The following PER3 variants were observed in gnomAD, a reference collection of about 807,000 sequenced individuals.
PER3 encodes the protein period circadian regulator 3.
PER3 carries 107 observed loss-of-function variants against 127.2 expected under a neutral mutation model. That is an observed-to-expected ratio of 0.84 (90% CI 0.72 to 0.99). The LOEUF is 0.99. Ranked by LOEUF, PER3 falls within the 50% of genes least tolerant of loss-of-function variation. The pLI is 0.00. For synonymous variants in PER3, 618 were observed against 585.8 expected, an observed-to-expected ratio of 1.05 and a Z score of -0.79; for missense variants, 1,560 against 1,525.8, an observed-to-expected ratio of 1.02 and a Z score of -0.37.
At chr1:7,814,977 CTT>C (rs1406615157) in intron 13 of PER3, among the ~76,000 whole-genome samples, 1 of 152,116 alleles carries the variant, frequency 6.6e-6, no homozygotes, top group African/African-American at 2.4e-5. Context: ...ATTTAAGACA[CTT>C]AACCCAAAAT....
intron 21 of PER3, among the ~76,000 whole-genome samples, 162 bp downstream of exon 21, chr1:7,837,311 A>G (rs1341102648): frequency 1.3e-5 from 2 of 152,244 alleles, no homozygotes; most frequent in African/African-American, 4.8e-5. Context: ...AGCAACAAGC[A>G]GGTTATACAC....
chr1:7,802,935 A>G (rs750134362), intron 8 of PER3, 112 bp from the exon 9 acceptor site: 35 of 730,974 alleles, frequency 4.8e-5, no homozygotes, highest in Non-Finnish European at 7.5e-5. Context: ...GCTAAGATAA[A>G]CAGCTTTGCA....
At chr1:7,810,718 T>A in intron 13 of PER3, 130 bp downstream of exon 13, 1 of 729,172 alleles carries the variant, frequency 1.4e-6, no homozygotes, top group Non-Finnish European at 2.2e-6. Context: ...TTGATTTGCC[T>A]AGATAGCAAT....
In PER3 at chr1:7,826,562, G is replaced by A; in HGVS notation, c.2040G>A (p.Val680=). 6.2e-7 allele frequency: 1 copy of A among 1,613,752 alleles called. No homozygotes were observed. The highest frequency in any genetic ancestry group is 8.5e-7 in the Non-Finnish European group (1 of 1,179,684). The part of the protein sequence containing the change: ...APLTSEEFKH[V]GLTAAVLSAH... ...TGACCTCGGAAGAATTTAAACACGT[G>A]GGGCTCACAGCGGCTGTTCTGTCAG... The change falls in exon 17 of 22, where the codon GTG becomes GTA. Residue 680 remains valine, a synonymous_variant. Coordinates refer to ENST00000377532, the MANE Select transcript of PER3 (RefSeq NM_001377275.1). The surrounding 1 kb of genome is among the most constrained non-coding windows in gnomAD (Gnocchi z 4.2).
intron 6 of PER3, among the ~76,000 whole-genome samples, chr1:7,795,422 C>T (rs1252709585): frequency 2.0e-5 from 3 of 152,096 alleles, no homozygotes; most frequent in African/African-American, 4.8e-5. Flanking sequence ...TTCTGGGAAG[C>T]GGGAGATTGC....
At chr1:7,802,357 G>C (rs1448330364) in intron 8 of PER3, among the ~76,000 whole-genome samples, 1 of 152,048 alleles carries the variant, frequency 6.6e-6, no homozygotes, top group African/African-American at 2.4e-5. Flanking sequence ...CCACCTCCCT[G>C]GTTCAAGCAA....
In PER3 at chr1:7,826,381, A is replaced by G; in HGVS notation, c.1958-99A>G. The G allele has an allele frequency of 1.4e-6, 1 of 699,784 alleles. No individual in the cohort carries two copies. Among genetic ancestry groups the G allele is most frequent in the Non-Finnish European group, 2.5e-6 (1 of 396,442 alleles). The allele number at this position is 699,784 out of a possible 1,614,324, so 43.3% of individuals were successfully genotyped here. A position where few individuals can be genotyped will look rare whatever the true frequency, so the allele number is the denominator to read the frequency against. ...GATTTTTCGTATTCCAGCAGTTATAATAATGTTTGTAAAAATGTATCAAAA... is the reference window on the plus strand; with the variant it reads ...GATTTTTCGTATTCCAGCAGTTATAGTAATGTTTGTAAAAATGTATCAAAA... On this transcript the variant is annotated intron_variant, in intron 16 of 21. Transcript: ENST00000377532. The surrounding 1 kb of genome is among the most constrained non-coding windows in gnomAD (Gnocchi z 4.2).
chr1:7,805,990 ATTAT>A (rs554680527), intron 10 of PER3, among the ~76,000 whole-genome samples: 19 of 152,030 alleles, frequency 1.2e-4, no homozygotes, highest in Middle Eastern at 3.4e-3. Context: ...TAAAATATTA[ATTAT>A]TCATTATATT....
In PER3 at chr1:7,827,716, C is replaced by T; in HGVS notation, c.2787C>T (p.Ser929=). Reference sequence around the variant, plus strand: ...GGCACCCGTTCATTACTTCGAGAAGCAGCTCACCCTTGCAGTTAAACTTAC... The same window carrying T: ...GGCACCCGTTCATTACTTCGAGAAGTAGCTCACCCTTGCAGTTAAACTTAC... The part of the protein sequence containing the change: ...SEGHPFITSR[S]SSPLQLNLLQ... The change falls in exon 18 of 22, where the codon AGC becomes AGT. Residue 929 remains serine, a synonymous_variant. Transcript: ENST00000377532. 6.2e-7 allele frequency: 1 copy of T among 1,614,154 alleles called. No homozygotes were observed. The highest frequency in any genetic ancestry group is 1.1e-5 in the South Asian group (1 of 91,088).
chr1:7,811,964 C>A (rs1317458684), intron 13 of PER3, among the ~76,000 whole-genome samples: 2 of 152,090 alleles, frequency 1.3e-5, no homozygotes, highest in African/African-American at 4.8e-5. Context: ...CCCTTGAAAC[C>A]CCTACATTTC....
chr1:7,788,327 A>G (rs1357681304), intron 5 of PER3, 81 bp downstream of exon 5: 2 of 1,002,068 alleles, frequency 2.0e-6, no homozygotes, highest in Admixed American at 2.0e-5. Flanking sequence ...AGAAATTAAC[A>G]TATTATTTAG....
intron 13 of PER3, among the ~76,000 whole-genome samples, chr1:7,816,001 A>AAG (rs1270983814): frequency 4.0e-5 from 6 of 149,668 alleles, no homozygotes; most frequent in Non-Finnish European, 7.4e-5. Flanking sequence ...CAAAAAAAAA[A>AAG]AAAAAAAAAA....
At position 7,820,655 on chromosome 1, in the gene PER3, T is replaced by C. The variant is rs762208543; in HGVS notation, c.1957+15T>C. 9.5e-6 allele frequency: 15 copies of C among 1,581,858 alleles called. No individual in the cohort carries two copies. The East Asian group carries it at 2.0e-4, about 21-fold the overall frequency. On this transcript the variant is annotated intron_variant, in intron 16 of 21. Transcript: ENST00000377532. ...CCCAGAGACAGGTACCACACTCGCC[T>C]CTTACTTTGAAAATATACTCAACTT...
chr1:7,812,677 T>C (rs1172752461), intron 13 of PER3, among the ~76,000 whole-genome samples: 1 of 150,954 alleles, frequency 6.6e-6, no homozygotes, highest in Non-Finnish European at 1.5e-5. Context: ...TCCGTGTGCT[T>C]ATGCAGCTAC....
chr1:7,814,201 G>C (rs1407320600), intron 13 of PER3, among the ~76,000 whole-genome samples: 1 of 152,212 alleles, frequency 6.6e-6, no homozygotes, highest in Admixed American at 6.5e-5. Context: ...TGGAATCTCA[G>C]AAGAAATAGT....
intron 21 of PER3, among the ~76,000 whole-genome samples, chr1:7,840,156 T>A (rs1448093421): frequency 6.6e-6 from 1 of 152,154 alleles, no homozygotes; most frequent in Non-Finnish European, 1.5e-5. Flanking sequence ...TTAGATCGGC[T>A]TTTGAATCCC....
chr1:7,815,991 CAAAAAA>C (rs34144861), intron 13 of PER3, among the ~76,000 whole-genome samples: 958 of 67,644 alleles, frequency 0.014, 6 homozygotes, highest in Middle Eastern at 0.089. Context: ...GACTCCGTCT[CAAAAAA>C]AAAAAAAAAA....
intron 10 of PER3, among the ~76,000 whole-genome samples, chr1:7,804,280 G>T (rs1242254280): frequency 6.7e-6 from 1 of 150,118 alleles, no homozygotes; most frequent in Non-Finnish European, 1.5e-5. Context: ...GTTAAGTGTA[G>T]GTACTAGGAC....
In PER3 at chr1:7,786,825, T is replaced by C; in HGVS notation, c.379T>C (p.Ser127Pro). Residue 127 changes from serine to proline, a missense_variant, in exon 4 of 22, where the codon TCC (serine) becomes CCC (proline). This residue lies in a region of PER3 where 1,332 missense variants were observed against 1,223.6 expected (regional missense o/e 1.09). Coordinates refer to ENST00000377532, the MANE Select transcript of PER3 (RefSeq NM_001377275.1). ...ELATIASEHT[S>P]KNTDTFVAVF... ...GGCCACTATCGCTTCAGAACACACT[T>C]CCAAAAACACAGTAAGAATTCATGC... 2 of 1,588,356 alleles carry C rather than the reference T, an allele frequency of 1.3e-6. No individual in the cohort carries two copies. The highest frequency in any genetic ancestry group is 1.1e-5 in the South Asian group (1 of 90,516).
Sources: gnomAD v4.1 joint callset for allele counts (sites outside exome capture counted in the v4.1 genomes callset) on GRCh38, gnomAD v4.1.1 for gene constraint, gnomAD v4.1.1 regional missense constraint, Gnocchi (gnomAD v3.1) non-coding constraint, MANE v1.5 for transcripts, NCBI Gene and HGNC (gene_info 2026-07-23, HGNC 2026-07-21) for gene names.